Variants in ACOXL observed in about 807,000 individuals in gnomAD.
ACOXL encodes acyl-CoA oxidase like, also known as acyl-coenzyme A oxidase-like protein.
A neutral mutation model predicts 71.9 loss-of-function variants in ACOXL; 70 were observed. The observed-to-expected ratio is 0.97, with a 90% CI of 0.80 to 1.19. The LOEUF is 1.19. Ranked by LOEUF, ACOXL falls within the 50% of genes most tolerant of loss-of-function variation. ACOXL has a pLI of 0.00. For missense variants in ACOXL, 703 were observed against 736.3 expected (o/e 0.95, Z 0.52); for synonymous variants, 253 against 281.6 (o/e 0.90, Z 1.02).
chr2:110,754,215 G>C (rs1679376618), intron 1 of ACOXL, among the ~76,000 whole-genome samples: 1 of 151,804 alleles, frequency 6.6e-6, no homozygotes, highest in Non-Finnish European at 1.5e-5. Flanking sequence ...TAGGACTACA[G>C]ACATGCACTA....
chr2:110,966,295 C>G (rs1385645553), intron 12 of ACOXL, among the ~76,000 whole-genome samples: 2 of 152,176 alleles, frequency 1.3e-5, no homozygotes, highest in Non-Finnish European at 2.9e-5. Context: ...AATGAAGTGG[C>G]TTAAGGTGGA....
At chr2:110,977,893 A>G (rs959006461) in intron 12 of ACOXL, among the ~76,000 whole-genome samples, 1 of 152,238 alleles carries the variant, frequency 6.6e-6, no homozygotes, top group Non-Finnish European at 1.5e-5. Context: ...CATCAGGATA[A>G]CAACCATATA....
intron 5 of ACOXL, among the ~76,000 whole-genome samples, chr2:110,797,173 C>A (rs1459917630): frequency 1.3e-5 from 2 of 152,158 alleles, no homozygotes; most frequent in East Asian, 3.9e-4. Flanking sequence ...TTTCCACTAT[C>A]GGCTTCCAGA....
At chr2:110,846,088 T>C (rs137892411) in intron 10 of ACOXL, among the ~76,000 whole-genome samples, 43 of 152,176 alleles carry the variant, frequency 2.8e-4, no homozygotes, top group African/African-American at 1.0e-3. Flanking sequence ...GGGGTCCTCT[T>C]TGTGTGGGTA....
intron 12 of ACOXL, among the ~76,000 whole-genome samples, chr2:110,974,581 G>T (rs779141533): frequency 1.3e-5 from 2 of 152,208 alleles, no homozygotes; most frequent in Admixed American, 6.5e-5. Context: ...ATTCCCTAAA[G>T]AATGTTAGTT....
chr2:110,734,904 T>C (rs11123138), intron 1 of ACOXL, among the ~76,000 whole-genome samples: 26,046 of 151,918 alleles, frequency 0.17, 4,920 homozygotes, highest in African/African-American at 0.47. Flanking sequence ...CTTACATTTG[T>C]TCATCTACAG....
chr2:110,839,486 C>T (rs553230340), intron 9 of ACOXL, among the ~76,000 whole-genome samples: 1 of 152,188 alleles, frequency 6.6e-6, no homozygotes, highest in Non-Finnish European at 1.5e-5. Context: ...AAAATTTACT[C>T]CTAGTTGAGA....
Position 110,799,047 on chromosome 2 carries a change from A to G in ACOXL, c.494A>G (p.Glu165Gly). 1 of 1,613,948 alleles carries G rather than the reference A, an allele frequency of 6.2e-7. No homozygotes were observed. The highest frequency in any genetic ancestry group is 8.5e-7 in the Non-Finnish European group (1 of 1,179,916). The change falls in exon 7 of 18, where the codon GAA becomes GGA. Residue 165 changes from glutamate to glycine, a missense_variant. Physicochemically the swap from Glu to Gly is moderately conservative, Grantham distance 98. Coordinates refer to ENST00000439055, the MANE Select transcript of ACOXL (RefSeq NM_001142807.4). ...TGTTTCATCGTTCCTGTCCGGGATG[A>G]AAACGGAAGCTTGTACCCAGGAGTC... ...PHCFIVPVRD[E>G]NGSLYPGVTA... is the part of the protein sequence containing the mutation.
chr2:110,814,291 A>G (rs931215548), intron 9 of ACOXL, among the ~76,000 whole-genome samples: 22 of 152,206 alleles, frequency 1.4e-4, no homozygotes, highest in African/African-American at 4.6e-4. Context: ...GCTGTGTGTC[A>G]CTGTGGTTCT....
intron 10 of ACOXL, among the ~76,000 whole-genome samples, chr2:110,896,282 G>A (rs2059004980): frequency 6.6e-6 from 1 of 151,996 alleles, no homozygotes; most frequent in Non-Finnish European, 1.5e-5. Flanking sequence ...TGGAATTTTA[G>A]AAAATATTCA....
intron 9 of ACOXL, among the ~76,000 whole-genome samples, chr2:110,810,951 A>AG (rs1471388337): frequency 6.6e-6 from 1 of 152,190 alleles, no homozygotes; most frequent in Non-Finnish European, 1.5e-5. Context: ...GCTCAGCAAA[A>AG]GGGGGAAAAG....
chr2:110,917,974 C>T lies in ACOXL; in HGVS notation c.905+9069C>T, dbSNP rs527586828. Among the ~76,000 whole-genome samples, 3 of 152,306 alleles carry T rather than the reference C, an allele frequency of 2.0e-5. No individual in the cohort carries two copies. In the South Asian group the frequency reaches 6.2e-4, roughly 32 times the overall value. ...AGAATCAATTTGTCGTGAAAATGGT[C>T]ATACTGCCCAAAGTAGTTTATAGAT... On this transcript the variant is annotated intron_variant, in intron 11 of 17. Coordinates refer to ENST00000439055, the MANE Select transcript of ACOXL (RefSeq NM_001142807.4).
chr2:110,750,908 C>T (rs1479299632), intron 1 of ACOXL, among the ~76,000 whole-genome samples: 1 of 152,040 alleles, frequency 6.6e-6, no homozygotes, highest in African/African-American at 2.4e-5. Context: ...TGATCTTGAA[C>T]TCCTCAGCTC....
intron 15 of ACOXL, among the ~76,000 whole-genome samples, chr2:111,032,044 T>G (rs1170402582): frequency 6.6e-6 from 1 of 152,232 alleles, no homozygotes; most frequent in Non-Finnish European, 1.5e-5. Flanking sequence ...GCCCTCTGCC[T>G]GACCATGATC....
intron 16 of ACOXL, among the ~76,000 whole-genome samples, chr2:111,055,066 C>T (rs948345236): frequency 3.9e-5 from 6 of 152,180 alleles, no homozygotes; most frequent in Admixed American, 3.3e-4. Flanking sequence ...TTCACTTCTT[C>T]CAAAGTTCTC....
chr2:110,764,349 C>A (rs1412310703), intron 1 of ACOXL, among the ~76,000 whole-genome samples: 1 of 152,070 alleles, frequency 6.6e-6, no homozygotes, highest in African/African-American at 2.4e-5. Context: ...AATGAGGTAT[C>A]AAGCCATGAA....
chr2:111,031,045 C>T (rs2065241231), intron 14 of ACOXL, among the ~76,000 whole-genome samples: 1 of 152,228 alleles, frequency 6.6e-6, no homozygotes, highest in South Asian at 2.1e-4. Context: ...GACTATCTTG[C>T]ACAGAGTAGA....
At chr2:110,927,389 G>T (rs1488407780) in intron 11 of ACOXL, among the ~76,000 whole-genome samples, 3 of 152,180 alleles carry the variant, frequency 2.0e-5, no homozygotes, top group African/African-American at 7.2e-5. Context: ...CCTTCCACCT[G>T]CTGGGCCTTC....
chr2:110,928,499 C>T (rs2060361100), intron 11 of ACOXL, among the ~76,000 whole-genome samples: 1 of 152,222 alleles, frequency 6.6e-6, no homozygotes, highest in Admixed American at 6.5e-5. Context: ...TTACTCATCC[C>T]TGCCATTTGT....
Sources: gnomAD v4.1 joint callset for allele counts (sites outside exome capture counted in the v4.1 genomes callset) on GRCh38, gnomAD v4.1.1 for gene constraint, MANE v1.5 for transcripts, NCBI Gene and HGNC (gene_info 2026-07-23, HGNC 2026-07-21) for gene names.